Variants in ZFAND3 observed in about 807,000 individuals in gnomAD.
ZFAND3 encodes AN1-type zinc finger protein 3.
Under a neutral mutation model 29.6 loss-of-function variants are expected in ZFAND3, and 10 were observed. That is an observed-to-expected ratio of 0.34 (90% CI 0.21 to 0.57). ZFAND3 has a LOEUF of 0.57. Ranked by LOEUF, ZFAND3 falls within the 20% of genes least tolerant of loss-of-function variation. The pLI is 0.86. For synonymous variants in ZFAND3, 128 were observed against 112.6 expected, an observed-to-expected ratio of 1.14 and a Z score of -0.87; for missense variants, 230 against 304.5, an observed-to-expected ratio of 0.76 and a Z score of 1.82.
intron 1 of ZFAND3, among the ~76,000 whole-genome samples, chr6:37,889,273 A>G (rs1765052507): frequency 6.6e-6 from 1 of 152,182 alleles, no homozygotes; most frequent in African/African-American, 2.4e-5. Context: ...TTCCCCAGTG[A>G]TTCATCTGCC....
At chr6:37,958,941 T>C (rs1188118430) in intron 2 of ZFAND3, among the ~76,000 whole-genome samples, 1 of 152,160 alleles carries the variant, frequency 6.6e-6, no homozygotes, top group Non-Finnish European at 1.5e-5. Flanking sequence ...AGTACAAAAA[T>C]GGTTAAAGGG....
At chr6:38,136,276 C>T (rs2127493331) in intron 5 of ZFAND3, among the ~76,000 whole-genome samples, 1 of 152,290 alleles carries the variant, frequency 6.6e-6, no homozygotes, top group South Asian at 2.1e-4. Context: ...TGACACAGTC[C>T]AAGGAAGATT....
At position 37,852,906 on chromosome 6, in the gene ZFAND3, G is replaced by A. The variant is rs189828700; in HGVS notation, c.71+32890G>A. On this transcript the variant is annotated intron_variant, in intron 1 of 5. Transcript: ENST00000287218. ...TTTATGTATATTTCTTAAATTTTAAGTTTCTCAAAGGGTGTCCATTCCCTG... is the reference window on the plus strand; with the variant it reads ...TTTATGTATATTTCTTAAATTTTAAATTTCTCAAAGGGTGTCCATTCCCTG... 3.7e-3 allele frequency among the ~76,000 whole-genome samples: 558 copies of A among 151,824 alleles called. 2 individuals are homozygous for A. Among genetic ancestry groups the A allele is most frequent in the Non-Finnish European group, 5.7e-3 (384 of 67,908 alleles).
intron 1 of ZFAND3, among the ~76,000 whole-genome samples, chr6:37,896,554 C>CT (rs150225875): frequency 7.3e-4 from 101 of 137,814 alleles, no homozygotes; most frequent in East Asian, 4.0e-3. Flanking sequence ...TTCTTTCTTT[C>CT]TTTCTTTCTT....
chr6:38,065,897 G>A (rs1190979790), intron 3 of ZFAND3, among the ~76,000 whole-genome samples: 2 of 152,212 alleles, frequency 1.3e-5, no homozygotes, highest in African/African-American at 4.8e-5. Flanking sequence ...CTGAGTGTCT[G>A]CTGTATGTTA....
chr6:38,075,975 A>G (rs190649598), intron 3 of ZFAND3, among the ~76,000 whole-genome samples: 62 of 152,190 alleles, frequency 4.1e-4, no homozygotes, highest in African/African-American at 1.3e-3. Flanking sequence ...GATGGTCTCA[A>G]TCTCTTGACC....
chr6:37,824,776 A>C (rs1219779902), intron 1 of ZFAND3, among the ~76,000 whole-genome samples: 1 of 152,222 alleles, frequency 6.6e-6, no homozygotes, highest in East Asian at 1.9e-4. Context: ...CTTTAGGGAA[A>C]TAGATTTTGT....
chr6:37,869,999 A>T (rs971073059), intron 1 of ZFAND3, among the ~76,000 whole-genome samples: 1 of 151,802 alleles, frequency 6.6e-6, no homozygotes, highest in East Asian at 1.9e-4. Flanking sequence ...TTCTTTTCAG[A>T]TATTGGCATT....
At chr6:37,841,741 C>G (rs560960131) in intron 1 of ZFAND3, among the ~76,000 whole-genome samples, 16 of 152,310 alleles carry the variant, frequency 1.1e-4, no homozygotes, top group Non-Finnish European at 1.6e-4. Context: ...CCTCGGCCCC[C>G]CAAAGCGCTG....
chr6:37,949,252 T>G (rs1399367380), intron 2 of ZFAND3, among the ~76,000 whole-genome samples: 1 of 152,218 alleles, frequency 6.6e-6, no homozygotes, highest in Non-Finnish European at 1.5e-5. Context: ...CACATATTTG[T>G]CTTTTGAGAA....
intron 5 of ZFAND3, among the ~76,000 whole-genome samples, chr6:38,119,286 A>G (rs1765482171): frequency 1.3e-5 from 2 of 152,282 alleles, no homozygotes; most frequent in South Asian, 4.1e-4. Flanking sequence ...TTGAGGATGC[A>G]TGGATGTTGG....
intron 1 of ZFAND3, among the ~76,000 whole-genome samples, chr6:37,862,244 G>T (rs1263309118): frequency 1.3e-5 from 2 of 151,868 alleles, no homozygotes; most frequent in East Asian, 3.9e-4. Flanking sequence ...CAAAGTTCTT[G>T]CACTGCCAAA....
At chr6:38,041,434 G>T (rs1360534169) in intron 2 of ZFAND3, among the ~76,000 whole-genome samples, 3 of 151,704 alleles carry the variant, frequency 2.0e-5, no homozygotes, top group East Asian at 3.9e-4. Flanking sequence ...TCCACTGTAA[G>T]AGCTTTTTCT....
At chr6:38,026,698 T>G (rs1763456155) in intron 2 of ZFAND3, among the ~76,000 whole-genome samples, 6 of 152,094 alleles carry the variant, frequency 3.9e-5, no homozygotes, top group Admixed American at 3.9e-4. Context: ...CCCAAAGTGC[T>G]AGGATTACAG....
At chr6:37,981,439 C>A (rs115568778) in intron 2 of ZFAND3, among the ~76,000 whole-genome samples, 230 of 152,200 alleles carry the variant, frequency 1.5e-3, no homozygotes, top group African/African-American at 5.2e-3. Flanking sequence ...ATATTGAAGC[C>A]AGGATCATCA....
chr6:37,950,747 G>GT (rs1257956318), intron 2 of ZFAND3, among the ~76,000 whole-genome samples: 2 of 152,100 alleles, frequency 1.3e-5, no homozygotes, highest in Admixed American at 6.5e-5. Context: ...CCGTTGGTCT[G>GT]TTTTTTACCA....
chr6:38,033,546 G>A (rs1763603050), intron 2 of ZFAND3, among the ~76,000 whole-genome samples: 1 of 152,122 alleles, frequency 6.6e-6, no homozygotes, highest in Admixed American at 6.5e-5. Flanking sequence ...GCATGTGTGT[G>A]ACAGCTAGTA....
chr6:38,049,544 G>A (rs749719815), intron 2 of ZFAND3, among the ~76,000 whole-genome samples: 12 of 152,212 alleles, frequency 7.9e-5, no homozygotes, highest in Non-Finnish European at 1.5e-4. Context: ...GGTTAGTTGT[G>A]CATGAGCTTT....
chr6:38,049,963 T>TTTTA, intron 2 of ZFAND3, among the ~76,000 whole-genome samples: 2 of 8,924 alleles, frequency 2.2e-4, no homozygotes, highest in South Asian at 0.017. Context: ...TTTTTTTTTT[T>TTTTA]TTTTTGGGGG....
Sources: allele counts gnomAD v4.1 joint callset (sites outside exome capture counted in the v4.1 genomes callset), GRCh38; gene constraint gnomAD v4.1.1; transcripts MANE v1.5; gene names NCBI Gene and HGNC (gene_info 2026-07-23, HGNC 2026-07-21).